Variants in NFIB observed in about 807,000 individuals in gnomAD.
NFIB encodes the protein nuclear factor 1 B-type.
A neutral mutation model predicts 61.5 loss-of-function variants in NFIB; 11 were observed. That is an observed-to-expected ratio of 0.18 (90% CI 0.11 to 0.30). The LOEUF (loss-of-function observed/expected upper bound fraction) is 0.30, where lower values mean the gene tolerates loss of function less well. Ranked by LOEUF, NFIB falls within the 10% of genes least tolerant of loss-of-function variation. The probability of loss-of-function intolerance (pLI) is 1.00; values close to 1 mark genes in which losing one functional copy is unlikely to be tolerated. For missense variants in NFIB, 471 were observed against 608.9 expected, an observed-to-expected ratio of 0.77 and a Z score of 2.38; for synonymous variants, 260 against 216.5, an observed-to-expected ratio of 1.20 and a Z score of -1.76.
Position 14,158,546 on chromosome 9 carries a change from C to A in NFIB, c.617-2653G>T, listed in dbSNP as rs367612898. 4.6e-5 allele frequency among the ~76,000 whole-genome samples: 7 copies of A among 152,326 alleles called. No individual in the cohort carries two copies. The South Asian group carries it at 1.2e-3, about 27-fold the overall frequency. On this transcript the variant is annotated intron_variant, in intron 3 of 10. Coordinates refer to ENST00000380953, the MANE Select transcript of NFIB (RefSeq NM_001190737.2). ...GACTGGGTTTTGTTCATCTCTATAT[C>A]TTCCTTAATGACTAACTCGTTGCCT...
At chr9:14,485,765 C>T in the NFIB span, among the ~76,000 whole-genome samples, 1 of 152,070 alleles carries the variant, frequency 6.6e-6, no homozygotes, top group Non-Finnish European at 1.5e-5. Flanking sequence ...GTCCCAGCTA[C>T]TCAGGAGGCT....
intron 6 of NFIB, among the ~76,000 whole-genome samples, chr9:14,130,170 T>C (rs529551689): frequency 2.0e-5 from 3 of 152,300 alleles, no homozygotes; most frequent in Admixed American, 6.5e-5. Flanking sequence ...TGGCACTTTA[T>C]AAAAACCAGC....
At chr9:14,231,131 AAAAAATATATATAT>A (rs1418218477) in intron 2 of NFIB, among the ~76,000 whole-genome samples, 51 of 75,450 alleles carry the variant, frequency 6.8e-4, no homozygotes, top group East Asian at 2.5e-3. Context: ...AAAAAAAAAA[AAAAAATATATATAT>A]ATATATATAT....
At chr9:14,396,743 G>A (rs777948569) in intron 1 of NFIB, among the ~76,000 whole-genome samples, 32 of 152,116 alleles carry the variant, frequency 2.1e-4, no homozygotes, top group Admixed American at 2.0e-4. Context: ...AAGAAAAGAT[G>A]TTCATTAAAA....
At chr9:14,252,029 G>T (rs10961451) in intron 2 of NFIB, among the ~76,000 whole-genome samples, 3 of 152,182 alleles carry the variant, frequency 2.0e-5, no homozygotes, top group African/African-American at 7.2e-5. Flanking sequence ...AGATTTTTCA[G>T]TTGCTACAGG....
chr9:14,102,475 G>A (rs1270114343), intron 10 of NFIB: 1 of 1,550,206 alleles, frequency 6.5e-7, no homozygotes, highest in African/African-American at 1.4e-5. Context: ...ATAAATGCCT[G>A]CCGTTTTGAT....
chr9:14,189,732 T>C (rs1045684446), intron 2 of NFIB, among the ~76,000 whole-genome samples: 1 of 150,382 alleles, frequency 6.6e-6, no homozygotes, highest in African/African-American at 2.5e-5. Flanking sequence ...AGAAACATGT[T>C]AGTCTTATTC....
At chr9:14,216,546 CTGTG>C (rs372536644) in intron 2 of NFIB, among the ~76,000 whole-genome samples, 9 of 21,510 alleles carry the variant, frequency 4.2e-4, no homozygotes, top group African/African-American at 1.7e-3. Context: ...CTCTCTCCCT[CTGTG>C]TGTGTGTGTG....
chr9:14,228,231 G>A (rs1423520270), intron 2 of NFIB, among the ~76,000 whole-genome samples: 62 of 139,226 alleles, frequency 4.5e-4, no homozygotes, highest in Non-Finnish European at 1.8e-4. Context: ...GGGTCTCACT[G>A]TCATCCAGGC....
intron 10 of NFIB, chr9:14,102,514 T>C: frequency 6.5e-7 from 1 of 1,550,170 alleles, no homozygotes; most frequent in Non-Finnish European, 8.7e-7. Flanking sequence ...TCCTCAGCTG[T>C]CAATTGAAAC....
chr9:14,218,247 G>C (rs2051186091), intron 2 of NFIB, among the ~76,000 whole-genome samples: 1 of 152,146 alleles, frequency 6.6e-6, no homozygotes, highest in African/African-American at 2.4e-5. Flanking sequence ...AAGCCAAATA[G>C]AAAATAAAAT....
intron 1 of NFIB, among the ~76,000 whole-genome samples, chr9:14,355,514 T>G (rs1356144622): frequency 6.6e-6 from 1 of 152,222 alleles, no homozygotes; most frequent in East Asian, 1.9e-4. Context: ...GTACAGCCAT[T>G]TGGAGATGCA....
chr9:14,180,057 GC>G (rs1445574888), intron 2 of NFIB, among the ~76,000 whole-genome samples: 2 of 152,204 alleles, frequency 1.3e-5, no homozygotes, highest in Admixed American at 6.5e-5. Flanking sequence ...TGGCTACAAA[GC>G]CATTGAAGAT....
At chr9:14,398,449 A>T (rs953494359) in intron 1 of NFIB, 3 of 1,107,822 alleles carry the variant, frequency 2.7e-6, no homozygotes, top group Non-Finnish European at 3.9e-6. Flanking sequence ...TGAACCCCAC[A>T]CTGAGACACA....
chr9:14,162,399 T>C (rs2044305428), intron 3 of NFIB, among the ~76,000 whole-genome samples: 2 of 152,108 alleles, frequency 1.3e-5, no homozygotes, highest in African/African-American at 2.4e-5. Flanking sequence ...ACAGCATTTA[T>C]TGGTGTTATA....
intron 1 of NFIB, among the ~76,000 whole-genome samples, chr9:14,395,867 T>C (rs1240523299): frequency 6.7e-6 from 1 of 150,246 alleles, no homozygotes; most frequent in Non-Finnish European, 1.5e-5. Context: ...GGGTGAGATA[T>C]GAAGGGAGTG....
Position 14,162,344 on chromosome 9 carries a change from C to G in NFIB, c.617-6451G>C, listed in dbSNP as rs183783723. ...GACGAGAATGGCTATTGAATATTAT[C>G]AAATTCTTTTTTGGCATTAGTAGAG... On this transcript the variant is annotated intron_variant, in intron 3 of 10. Transcript: ENST00000380953. Among the ~76,000 whole-genome samples, 13 of 152,028 alleles carry G rather than the reference C, an allele frequency of 8.6e-5. No individual in the cohort carries two copies. The East Asian group carries it at 2.5e-3, about 29-fold the overall frequency.
the NFIB span, among the ~76,000 whole-genome samples, chr9:14,441,861 T>A: frequency 2.0e-5 from 3 of 152,172 alleles, no homozygotes; most frequent in Admixed American, 6.5e-5. Context: ...ACAGTACACT[T>A]ACGAGAGGCA....
intron 3 of NFIB, among the ~76,000 whole-genome samples, chr9:14,157,704 G>T (rs2043599167): frequency 6.6e-6 from 1 of 152,116 alleles, no homozygotes; most frequent in South Asian, 2.1e-4. Context: ...TGACTGTCTT[G>T]CCTGGTCGGG....
Sources: gnomAD v4.1 joint callset for allele counts (sites outside exome capture counted in the v4.1 genomes callset) on GRCh38, gnomAD v4.1.1 for gene constraint, MANE v1.5 for transcripts, NCBI Gene and HGNC (gene_info 2026-07-23, HGNC 2026-07-21) for gene names.